The following TBCB variants were observed in gnomAD, a reference collection of about 807,000 sequenced individuals.
TBCB encodes tubulin folding cofactor B.
Under a neutral mutation model 29.2 loss-of-function variants are expected in TBCB, and 18 were observed. The ratio of observed to expected loss-of-function variants is 0.62; its 90% CI spans 0.43 to 0.91. The LOEUF is 0.91. TBCB is among the 40% of genes least tolerant of loss of function. TBCB has a pLI of 0.00. For missense variants in TBCB, 336 were observed against 337.6 expected (o/e 1.00, Z 0.04); for synonymous variants, 172 against 137.8 (o/e 1.25, Z -1.74).
intron 2 of TBCB, 67 bp downstream of exon 2, chr19:36,116,251 C>G: frequency 6.3e-7 from 1 of 1,584,758 alleles, no homozygotes; most frequent in Non-Finnish European, 8.6e-7. Flanking sequence ...CAGACACTTG[C>G]TGGGCTTTGC....
At chr19:36,123,858 A>G (rs1338803099) in intron 4 of TBCB, among the ~76,000 whole-genome samples, 1 of 152,136 alleles carries the variant, frequency 6.6e-6, no homozygotes, top group African/African-American at 2.4e-5. Context: ...CTGGGCAACC[A>G]TGCAAGACTC....
At chr19:36,123,784 AG>A (rs1359260143) in intron 4 of TBCB, among the ~76,000 whole-genome samples, 1 of 152,194 alleles carries the variant, frequency 6.6e-6, no homozygotes, top group Non-Finnish European at 1.5e-5. Flanking sequence ...CTGAGGCAGG[AG>A]AATCGCTTGA....
intron 4 of TBCB, among the ~76,000 whole-genome samples, chr19:36,123,211 C>T (rs1279617438): frequency 6.6e-6 from 1 of 151,810 alleles, no homozygotes; most frequent in Non-Finnish European, 1.5e-5. Context: ...AGGGTCATTT[C>T]CACTTTTTGG....
At chr19:36,116,371 T>G in intron 2 of TBCB, 187 bp downstream of exon 2, 1 of 702,802 alleles carries the variant, frequency 1.4e-6, no homozygotes, top group Non-Finnish European at 2.1e-6. Flanking sequence ...TGGGCTGGGA[T>G]CAGGAAATCC....
Position 36,125,900 on chromosome 19 carries a change from A to G in TBCB, c.*118A>G. On this transcript the variant is annotated 3_prime_UTR_variant, in exon 6 of 6. Transcript: ENST00000221855. Reference sequence around the variant, plus strand: ...AATTTTATTCATTTTTTCCTTTGCCATTGATTTTTGAGACTCATGCATTAA... The same window carrying G: ...AATTTTATTCATTTTTTCCTTTGCCGTTGATTTTTGAGACTCATGCATTAA... The G allele has an allele frequency of 1.3e-6, 1 of 774,216 alleles. No individual in the cohort carries two copies. Among genetic ancestry groups the G allele is most frequent in the Non-Finnish European group, 1.9e-6 (1 of 526,988 alleles). 48.0% of individuals were successfully genotyped at this position (774,216 alleles called of 1,614,324 possible).
chr19:36,123,760 A>G (rs887020339), intron 4 of TBCB, among the ~76,000 whole-genome samples: 1 of 152,176 alleles, frequency 6.6e-6, no homozygotes, highest in African/African-American at 2.4e-5. Flanking sequence ...CTGTGATCGC[A>G]GCTACCCGGA....
chr19:36,116,256 C>T (rs1402974156), intron 2 of TBCB, 72 bp downstream of exon 2: 2 of 1,579,550 alleles, frequency 1.3e-6, no homozygotes, highest in Non-Finnish European at 1.7e-6. Flanking sequence ...ACTTGCTGGG[C>T]TTTGCCCTCA....
rs1457493292 is a variant in TBCB at position 36,117,849 on chromosome 19, TCCGCCTCC to T, written c.258+1669_258+1676del. On this transcript the variant is annotated intron_variant, in intron 2 of 5. Transcript: ENST00000221855. Reference sequence around the variant, plus strand: ...GGCATGATCTCGGCTCACTGCAACCTCCGCCTCCCCGGTTCAAGCGATTCTCCTGCCTC... The same window carrying T: ...GGCATGATCTCGGCTCACTGCAACCTCCGGTTCAAGCGATTCTCCTGCCTC... 3 of 152,086 alleles carry T rather than the reference TCCGCCTCC, an allele frequency of 2.0e-5. No individual in the cohort carries two copies. In the East Asian group the frequency reaches 5.8e-4, roughly 29 times the overall value. The allele number at this position is 152,086 out of a possible 1,614,324, so 9.4% of individuals were successfully genotyped here. A position where few individuals can be genotyped will look rare whatever the true frequency, so the allele number is the denominator to read the frequency against.
Position 36,125,676 on chromosome 19 carries a change from G to A in TBCB, c.629G>A (p.Gly210Glu), listed in dbSNP as rs531906877. ...PLGKNDGSVN[G>E]KRYFECQAKY... is the part of the protein sequence containing the mutation. ...CCTATCCTTTCCTGCAGTGTGAATGGGAAACGCTACTTCGAATGCCAGGCC... is the reference window on the plus strand; with the variant it reads ...CCTATCCTTTCCTGCAGTGTGAATGAGAAACGCTACTTCGAATGCCAGGCC... Residue 210 changes from glycine (G) to glutamate (E), a missense_variant, in exon 6 of 6, where the codon GGG becomes GAG. Physicochemically the swap from Gly to Glu is moderately conservative, Grantham distance 98. Transcript: ENST00000221855. 6.3e-7 allele frequency: 1 copy of A among 1,581,234 alleles called. No homozygotes were observed. Among genetic ancestry groups the A allele is most frequent in the Admixed American group, 1.8e-5 (1 of 56,024 alleles).
intron 2 of TBCB, 66 bp from the exon 3 acceptor site, chr19:36,120,644 C>A: frequency 1.4e-6 from 2 of 1,436,398 alleles, no homozygotes; most frequent in South Asian, 1.2e-5. Flanking sequence ...ACTGAAGTCC[C>A]TGCACCCAGC....
rs138947982 is a variant in TBCB at position 36,125,121 on chromosome 19, A to G, written c.548-330A>G. Among the ~76,000 whole-genome samples the G allele has an allele frequency of 8.2e-3, 1,252 of 152,336 alleles. 9 individuals carry two copies. The highest frequency in any genetic ancestry group is 0.014 in the Non-Finnish European group (923 of 68,018). On this transcript the variant is annotated intron_variant, in intron 4 of 5. Transcript: ENST00000221855. The stretch of plus-strand genomic sequence containing the variant: ...GCTAGAAGTTCAAGATCAAGCTGTC[A>G]GCAGGTTGGATTTATTCTGAAGCCT...
In TBCB at chr19:36,125,739, TG is replaced by T; in HGVS notation, c.697del (p.Asp233ThrfsTer15). The T allele has an allele frequency of 1.3e-6, 2 of 1,571,142 alleles. No individual in the cohort carries two copies. Among genetic ancestry groups the T allele is most frequent in the Non-Finnish European group, 1.7e-6 (2 of 1,158,842 alleles). Reference sequence around the variant, plus strand: ...TTTGTCAAGCCAGCAGTCGTGACGGTGGGGGACTTCCCGGAGGAGGACTACG... The same window carrying T: ...TTTGTCAAGCCAGCAGTCGTGACGGTGGGGACTTCCCGGAGGAGGACTACG... Reference protein sequence around the residue: ...GAFVKPAVVTVGDFPEEDYGL... With the variant: ...GAFVKPAVVTXGDFPEEDYGL... On this transcript the variant is annotated frameshift_variant, in exon 6 of 6. Coordinates refer to ENST00000221855, the MANE Select transcript of TBCB (RefSeq NM_001281.3). LOFTEE classifies it high-confidence loss of function.
At chr19:36,119,535 T>G (rs1468678104) in intron 2 of TBCB, among the ~76,000 whole-genome samples, 1 of 152,106 alleles carries the variant, frequency 6.6e-6, no homozygotes, top group African/African-American at 2.4e-5. Flanking sequence ...ACCACCTGAG[T>G]CAGGCCAGGG....
chr19:36,121,722 C>G lies in TBCB; in HGVS notation c.547+4C>G. On this transcript the variant is annotated splice_donor_region_variant and intron_variant, in intron 4 of 5. Transcript: ENST00000221855. The stretch of plus-strand genomic sequence containing the variant: ...CGGGGCACCGTCATGTATGTAGGTG[C>G]GTGGCTCGCGGGCCCGGTCCCGGGC... 1 of 1,548,586 alleles carries G rather than the reference C, an allele frequency of 6.5e-7. No individual in the cohort carries two copies. Among genetic ancestry groups the G allele is most frequent in the Non-Finnish European group, 8.7e-7 (1 of 1,147,182 alleles).
chr19:36,122,968 C>A (rs527462711), intron 4 of TBCB, among the ~76,000 whole-genome samples: 1 of 152,104 alleles, frequency 6.6e-6, no homozygotes, highest in African/African-American at 2.4e-5. Context: ...GTGTACCCAT[C>A]CCCCAGTCGT....
upstream of TBCB, chr19:36,115,118 G>A (rs745830410): frequency 1.9e-5 from 11 of 576,314 alleles, no homozygotes; most frequent in Non-Finnish European, 3.4e-5. Flanking sequence ...TCTGGTGCCA[G>A]AGCCGGGAAA....
rs987977281 is a variant in TBCB, at chr19:36,125,652, C to G, written c.621-16C>G. The stretch of plus-strand genomic sequence containing the variant: ...GAGGGTCCTCTGACCACACCCACCC[C>G]TATCCTTTCCTGCAGTGTGAATGGG... On this transcript the variant is annotated splice_polypyrimidine_tract_variant and intron_variant, in intron 5 of 5. Coordinates refer to ENST00000221855, the MANE Select transcript of TBCB (RefSeq NM_001281.3). 4.4e-6 allele frequency: 7 copies of G among 1,592,102 alleles called. No individual in the cohort carries two copies. The highest frequency in any genetic ancestry group is 4.0e-5 in the African/African-American group (3 of 74,410).
intron 4 of TBCB, among the ~76,000 whole-genome samples, chr19:36,124,313 C>T (rs559279608): frequency 1.6e-4 from 25 of 152,198 alleles, no homozygotes; most frequent in African/African-American, 5.5e-4. Flanking sequence ...CTCTGCCTCC[C>T]GGGTTCAAGC....
At chr19:36,116,462 T>G (rs1020168327) in intron 2 of TBCB, 2 of 374,998 alleles carry the variant, frequency 5.3e-6, no homozygotes, top group Admixed American at 4.2e-5. Context: ...AAGGGATGTC[T>G]GAGCTGAGGG....
Sources: gnomAD v4.1 joint callset for allele counts (sites outside exome capture counted in the v4.1 genomes callset) on GRCh38, gnomAD v4.1.1 for gene constraint, MANE v1.5 for transcripts, NCBI Gene and HGNC (gene_info 2026-07-23, HGNC 2026-07-21) for gene names.